The following PLP1 variants were observed in gnomAD, a reference collection of about 807,000 sequenced individuals.
The protein encoded by PLP1 is proteolipid protein 1.
A neutral mutation model predicts 18.5 loss-of-function variants in PLP1; 2 were observed. That is an observed-to-expected ratio of 0.11 (90% CI 0.04 to 0.34). The LOEUF (loss-of-function observed/expected upper bound fraction) is 0.34. PLP1 is among the 10% of genes least tolerant of loss of function. PLP1 has a pLI of 1.00. For synonymous variants in PLP1, 86 were observed against 83.2 expected (o/e 1.03, Z -0.19); for missense variants, 105 against 207.3 (o/e 0.51, Z 3.03).
chrX:103,785,745 A>G lies in PLP1; in HGVS notation c.168A>G (p.Gln56=), dbSNP rs2233697. Reference sequence around the variant, plus strand: ...AGACCTATTTCTCCAAAAACTACCAAGACTATGAGTATCTCATCAATGTGT... The same window carrying G: ...AGACCTATTTCTCCAAAAACTACCAGGACTATGAGTATCTCATCAATGTGT... The part of the protein sequence containing the change: ...LIETYFSKNY[Q]DYEYLINVIH... Residue 56 remains glutamine (Q), a synonymous_variant, in exon 2 of 7, where the codon CAA becomes CAG. Coordinates refer to ENST00000621218, the MANE Select transcript of PLP1 (RefSeq NM_000533.5). 1,775 of 1,207,098 alleles carry G rather than the reference A, an allele frequency of 1.5e-3. 10 individuals carry two copies. In the East Asian group the frequency reaches 0.022, roughly 15 times the overall value.
intron 2 of PLP1, 29 bp from the exon 3 acceptor site, chrX:103,786,436 T>C (rs776243524): frequency 1.7e-6 from 2 of 1,199,059 alleles, no homozygotes; most frequent in Non-Finnish European, 2.3e-6. Context: ...TAAGATTCCC[T>C]GGTCTCGTTT....
chrX:103,782,591 C>T (rs1240289532), intron 1 of PLP1, among the ~76,000 whole-genome samples: 2 of 111,899 alleles, frequency 1.8e-5, no homozygotes, highest in South Asian at 7.5e-4. Flanking sequence ...CATCACCTAA[C>T]GCTTAAAGTG....
In PLP1 at chrX:103,786,644, G is replaced by A; in HGVS notation, c.371G>A (p.Arg124Lys). Residue 124 changes from arginine (R) to lysine (K), a missense_variant, in exon 3 of 7, where the codon AGG becomes AAG. Coordinates refer to ENST00000621218, the MANE Select transcript of PLP1 (RefSeq NM_000533.5). The stretch of plus-strand genomic sequence containing the variant: ...ACGGTAACAGGGGGCCAGAAGGGGA[G>A]GGGTTCCAGAGGCCAACATCAAGCT... ...SATVTGGQKG[R>K]GSRGQHQAHS... The A allele has an allele frequency of 8.3e-7, 1 of 1,211,302 alleles. No individual in the cohort carries two copies. The highest frequency in any genetic ancestry group is 1.1e-6 in the Non-Finnish European group (1 of 894,945).
chrX:103,791,951 T>C lies in PLP1; in HGVS notation c.*1353T>C, dbSNP rs1035476194. The C allele has an allele frequency of 8.9e-6, 1 of 112,065 alleles. No homozygotes were observed. Among genetic ancestry groups the C allele is most frequent in the African/African-American group, 3.2e-5 (1 of 30,835 alleles). 9.2% of individuals were successfully genotyped at this position (112,065 alleles called of 1,213,427 possible). A position where few individuals can be genotyped will look rare whatever the true frequency, so the allele number is the denominator to read the frequency against. ...AATGTTATCTTGGTGTGTTAAGAGT[T>C]AGGTTTAACATAAAGGTTATTTTCT... is the stretch of plus-strand genomic sequence containing the variant. On this transcript the variant is annotated 3_prime_UTR_variant, in exon 7 of 7. Coordinates refer to ENST00000621218, the MANE Select transcript of PLP1 (RefSeq NM_000533.5).
At chrX:103,784,421 C>A (rs1053640996) in intron 1 of PLP1, among the ~76,000 whole-genome samples, 1 of 111,634 alleles carries the variant, frequency 9.0e-6, no homozygotes, top group African/African-American at 3.3e-5. Context: ...ACAAAACTGC[C>A]ATACAAAGTG....
intron 2 of PLP1, 139 bp downstream of exon 2, chrX:103,785,907 C>T: frequency 1.4e-6 from 1 of 712,786 alleles, no homozygotes; most frequent in Non-Finnish European, 2.2e-6. Flanking sequence ...TCCCTCTGTG[C>T]AGATCTCTCC....
intron 1 of PLP1, among the ~76,000 whole-genome samples, chrX:103,784,470 A>C (rs1449832603): frequency 9.0e-6 from 1 of 111,646 alleles, no homozygotes; most frequent in Non-Finnish European, 1.9e-5. Flanking sequence ...TATTGGGAGT[A>C]ATATCAAACC....
chrX:103,776,840 C>A lies in PLP1; in HGVS notation c.-156C>A. ...GGGGTTGGCTGTCAATCAGAAAGCC[C>A]TTTTCATTGCAGGAGAAGAGGACAA... On this transcript the variant is annotated 5_prime_UTR_variant, in exon 1 of 7. Coordinates refer to ENST00000621218, the MANE Select transcript of PLP1 (RefSeq NM_000533.5). 1.8e-6 allele frequency: 1 copy of A among 557,836 alleles called. No homozygotes were observed. The allele number at this position is 557,836 out of a possible 1,213,427, so 46.0% of individuals were successfully genotyped here.
chrX:103,778,035 A>G (rs1390082448), intron 1 of PLP1, among the ~76,000 whole-genome samples: 1 of 112,142 alleles, frequency 8.9e-6, no homozygotes, highest in Non-Finnish European at 1.9e-5. Flanking sequence ...CAGAGAGAAC[A>G]CTTTGAAGCA....
chrX:103,779,654 G>A (rs2074436582), intron 1 of PLP1, among the ~76,000 whole-genome samples: 1 of 111,841 alleles, frequency 8.9e-6, no homozygotes, highest in Non-Finnish European at 1.9e-5. Flanking sequence ...CCTTGGGCTT[G>A]GCTCTGAGCT....
intron 1 of PLP1, among the ~76,000 whole-genome samples, chrX:103,779,259 G>C (rs1315353121): frequency 8.9e-6 from 1 of 112,251 alleles, no homozygotes; most frequent in Non-Finnish European, 1.9e-5. Flanking sequence ...GCCTGTTGTC[G>C]TCTGAGAACA....
chrX:103,780,167 C>T lies in PLP1; in HGVS notation c.4+3168C>T, dbSNP rs1235180599. ...CCTCTGAGCTGTCTGCCAGGCAGGGCTCTAGAAAAGAGTCCCAAGGAAGAG... is the reference window on the plus strand; with the variant it reads ...CCTCTGAGCTGTCTGCCAGGCAGGGTTCTAGAAAAGAGTCCCAAGGAAGAG... On this transcript the variant is annotated intron_variant, in intron 1 of 6. Transcript: ENST00000621218. 5 of 112,820 alleles carry T rather than the reference C, an allele frequency of 4.4e-5. No homozygotes were observed. The Admixed American group carries it at 4.7e-4, about 11-fold the overall frequency. The allele number at this position is 112,820 out of a possible 1,213,427, so 9.3% of individuals were successfully genotyped here. A position where few individuals can be genotyped will look rare whatever the true frequency, so the allele number is the denominator to read the frequency against.
intron 5 of PLP1, 170 bp downstream of exon 5, chrX:103,788,680 G>T: frequency 2.0e-6 from 1 of 509,185 alleles, no homozygotes. Context: ...AGCATAGAAG[G>T]TAAAACACCT....
intron 3 of PLP1, among the ~76,000 whole-genome samples, chrX:103,787,265 G>A (rs1602383569): frequency 8.9e-6 from 1 of 111,937 alleles, no homozygotes; most frequent in East Asian, 2.8e-4. Context: ...TTTGAGTGAG[G>A]TGCACATTTG....
intron 3 of PLP1, chrX:103,787,417 G>T: frequency 4.1e-6 from 1 of 243,186 alleles, no homozygotes; most frequent in Non-Finnish European, 7.4e-6. Context: ...AATGGCTAGG[G>T]AACAAAAATG....
At chrX:103,779,870 T>A (rs1233784734) in intron 1 of PLP1, 1 of 112,343 alleles carries the variant, frequency 8.9e-6, no homozygotes, top group Non-Finnish European at 1.9e-5. Context: ...ATCCCCTGGG[T>A]ACAGGTCTTT....
rs926917899 is a variant in PLP1, at chrX:103,777,107, T to C, written c.4+108T>C. On this transcript the variant is annotated intron_variant, in intron 1 of 6. Transcript: ENST00000621218. ...TTCCATGGTTTAAATGAGTCGTGTT[T>C]TGGCACTTGTTTTCTTTTTAAATTC... 6.2e-6 allele frequency: 4 copies of C among 645,256 alleles called. No individual in the cohort carries two copies. The Admixed American group carries it at 1.0e-4, about 17-fold the overall frequency. 53.2% of individuals were successfully genotyped at this position (645,256 alleles called of 1,213,427 possible). A position where few individuals can be genotyped will look rare whatever the true frequency, so the allele number is the denominator to read the frequency against.
At chrX:103,784,744 T>C (rs2074480540) in intron 1 of PLP1, among the ~76,000 whole-genome samples, 1 of 112,379 alleles carries the variant, frequency 8.9e-6, no homozygotes, top group South Asian at 3.7e-4. Context: ...TGTTACCACT[T>C]ACTTGGCTGC....
chrX:103,789,119 A>G, intron 5 of PLP1: 1 of 463,228 alleles, frequency 2.2e-6, no homozygotes, highest in Non-Finnish European at 3.8e-6. Flanking sequence ...CTATTTCATG[A>G]CTATTCTGTG....
Sources: gnomAD v4.1 joint callset for allele counts (sites outside exome capture counted in the v4.1 genomes callset) on GRCh38, gnomAD v4.1.1 for gene constraint, MANE v1.5 for transcripts, NCBI Gene and HGNC (gene_info 2026-07-23, HGNC 2026-07-21) for gene names.